Variants in PELI1 observed in about 807,000 individuals in gnomAD.
PELI1 encodes the protein E3 ubiquitin-protein ligase pellino homolog 1.
Under a neutral mutation model 41.3 loss-of-function variants are expected in PELI1, and 15 were observed. The ratio of observed to expected loss-of-function variants is 0.36; its 90% confidence interval spans 0.24 to 0.56. The LOEUF is 0.56. Among genes scored for constraint, PELI1 ranks in the 20% least tolerant of loss-of-function variants. PELI1 has a pLI of 0.82. For synonymous variants in PELI1, 178 were observed against 180.1 expected, an observed-to-expected ratio of 0.99 and a Z score of 0.09; for missense variants, 403 against 525.5, an observed-to-expected ratio of 0.77 and a Z score of 2.28.
At chr2:64,127,025 A>C (rs1681411603) in intron 1 of PELI1, among the ~76,000 whole-genome samples, 1 of 152,220 alleles carries the variant, frequency 6.6e-6, no homozygotes, top group Non-Finnish European at 1.5e-5. Context: ...AAAGTATGAC[A>C]ATTATTAACT....
chr2:64,098,670 T>C (rs1329538186), intron 4 of PELI1, among the ~76,000 whole-genome samples: 1 of 152,204 alleles, frequency 6.6e-6, no homozygotes, highest in Non-Finnish European at 1.5e-5. Context: ...CCTTATGTAC[T>C]TCATAGTGAC....
chr2:64,095,897 C>T (rs1680217054), intron 6 of PELI1, among the ~76,000 whole-genome samples: 1 of 152,172 alleles, frequency 6.6e-6, no homozygotes, highest in African/African-American at 2.4e-5. Flanking sequence ...TCTGCCTCGG[C>T]CTTCCAAAGT....
chr2:64,143,818 G>A (rs1165731065), intron 1 of PELI1, among the ~76,000 whole-genome samples: 1 of 151,954 alleles, frequency 6.6e-6, no homozygotes, highest in East Asian at 1.9e-4. Context: ...GGGGCTCGGA[G>A]TTGGCCGCCG....
At chr2:64,103,676 A>T (rs1413776255) in intron 3 of PELI1, among the ~76,000 whole-genome samples, 1 of 152,198 alleles carries the variant, frequency 6.6e-6, no homozygotes, top group Admixed American at 6.5e-5. Context: ...TCACAAATCA[A>T]ACTGGATATA....
At chr2:64,117,010 A>G (rs1681017067) in intron 1 of PELI1, among the ~76,000 whole-genome samples, 3 of 152,152 alleles carry the variant, frequency 2.0e-5, no homozygotes, top group African/African-American at 7.2e-5. Context: ...AATTGTGTCC[A>G]TATAAGGTGG....
chr2:64,106,511 G>A (rs1247048046), intron 2 of PELI1, among the ~76,000 whole-genome samples: 1 of 152,144 alleles, frequency 6.6e-6, no homozygotes, highest in Non-Finnish European at 1.5e-5. Context: ...GTTAAGAGCT[G>A]TTTGTCATTG....
chr2:64,144,353 T>C lies in PELI1; in HGVS notation c.-342A>G, dbSNP rs1682037960. 6.6e-6 allele frequency: 1 copy of C among 151,556 alleles called. No homozygotes were observed. The highest frequency in any genetic ancestry group is 1.5e-5 in the Non-Finnish European group (1 of 68,252). 9.4% of individuals were successfully genotyped at this position (151,556 alleles called of 1,614,324 possible). A position where few individuals can be genotyped will look rare whatever the true frequency, so the allele number is the denominator to read the frequency against. On this transcript the variant is annotated 5_prime_UTR_variant, in exon 1 of 7. Coordinates refer to ENST00000358912, the MANE Select transcript of PELI1 (RefSeq NM_020651.4). Reference sequence around the variant, plus strand: ...ACCGCGGGACTAGGGCTGCTGCCGCTGCTGCTAGTGGAGGCGGCGGCGGCG... The same window carrying C: ...ACCGCGGGACTAGGGCTGCTGCCGCCGCTGCTAGTGGAGGCGGCGGCGGCG...
chr2:64,106,191 C>G (rs1159463428), intron 2 of PELI1: 1 of 152,232 alleles, frequency 6.6e-6, no homozygotes, highest in Admixed American at 6.5e-5. Flanking sequence ...CTCTGAGTTG[C>G]ATGACTCATC....
intron 1 of PELI1, among the ~76,000 whole-genome samples, chr2:64,126,061 C>T (rs1473780041): frequency 6.6e-6 from 1 of 152,186 alleles, no homozygotes; most frequent in Non-Finnish European, 1.5e-5. Context: ...CTATACTCTC[C>T]ATAAAATGCT....
chr2:64,104,896 G>C (rs1474955480), intron 2 of PELI1, 66 bp from the exon 3 acceptor site: 3 of 1,398,732 alleles, frequency 2.1e-6, no homozygotes, highest in Non-Finnish European at 2.9e-6. Context: ...ACAAATGTTT[G>C]ACTTTGCCTT....
intron 1 of PELI1, among the ~76,000 whole-genome samples, chr2:64,128,993 C>G (rs756570276): frequency 9.2e-5 from 14 of 152,106 alleles, no homozygotes; most frequent in Non-Finnish European, 1.9e-4. Context: ...AAAATTTGGT[C>G]TATCACCATC....
intron 1 of PELI1, among the ~76,000 whole-genome samples, chr2:64,110,607 G>GA (rs1558477566): frequency 6.6e-6 from 1 of 152,110 alleles, no homozygotes; most frequent in Non-Finnish European, 1.5e-5. Context: ...TGAATCTTCT[G>GA]AATTTTGTCT....
intron 1 of PELI1, among the ~76,000 whole-genome samples, chr2:64,133,140 A>G (rs143496923): frequency 4.8e-4 from 73 of 152,310 alleles, no homozygotes; most frequent in African/African-American, 1.7e-3. Flanking sequence ...ACTTAAAATG[A>G]GTTTCCATCA....
intron 1 of PELI1, among the ~76,000 whole-genome samples, chr2:64,121,964 G>A (rs150233213): frequency 2.7e-3 from 409 of 150,738 alleles, no homozygotes; most frequent in African/African-American, 8.2e-3. Flanking sequence ...ACAAATAATC[G>A]TATTCATAAA....
intron 6 of PELI1, among the ~76,000 whole-genome samples, 186 bp downstream of exon 6, chr2:64,095,939 G>A (rs1223271285): frequency 1.3e-5 from 2 of 152,094 alleles, no homozygotes; most frequent in Non-Finnish European, 2.9e-5. Flanking sequence ...CACCGCGCCC[G>A]GCTACTAAAC....
intron 1 of PELI1, among the ~76,000 whole-genome samples, chr2:64,137,298 T>C (rs895008898): frequency 6.6e-6 from 1 of 152,206 alleles, no homozygotes; most frequent in Non-Finnish European, 1.5e-5. Flanking sequence ...ACCAGATTCA[T>C]CTCTTAACAC....
In PELI1 at chr2:64,094,665, A is replaced by T. The variant is rs1341615160; in HGVS notation, c.*37T>A. 6.7e-7 allele frequency: 1 copy of T among 1,503,520 alleles called. No homozygotes were observed. Among genetic ancestry groups the T allele is most frequent in the Non-Finnish European group, 9.2e-7 (1 of 1,088,882 alleles). 93.1% of individuals were successfully genotyped at this position (1,503,520 alleles called of 1,614,324 possible). ...TTCGAAAACCCAACTCACTTAGCTT[A>T]TAAATTTATAATGTAGTCCTGCAAG... On this transcript the variant is annotated 3_prime_UTR_variant, in exon 7 of 7. Transcript: ENST00000358912.
chr2:64,108,085 AAG>A, intron 2 of PELI1, among the ~76,000 whole-genome samples, 153 bp downstream of exon 2: 1 of 152,234 alleles, frequency 6.6e-6, no homozygotes, highest in East Asian at 1.9e-4. Context: ...TGAGAAGTAA[AAG>A]AGTTTCTTGA....
chr2:64,112,205 A>T (rs182143118), intron 1 of PELI1, among the ~76,000 whole-genome samples: 1 of 152,222 alleles, frequency 6.6e-6, no homozygotes, highest in South Asian at 2.1e-4. Flanking sequence ...TATTTGGCTG[A>T]CATTAGTATA....
Sources: allele counts gnomAD v4.1 joint callset (sites outside exome capture counted in the v4.1 genomes callset), GRCh38; gene constraint gnomAD v4.1.1; transcripts MANE v1.5; gene names NCBI Gene and HGNC (gene_info 2026-07-23, HGNC 2026-07-21).